The following PHEX variants were observed in gnomAD, a reference collection of about 807,000 sequenced individuals.
The protein encoded by PHEX is phosphate regulating endopeptidase X-linked.
A neutral mutation model predicts 68.0 loss-of-function variants in PHEX; 16 were observed. The observed-to-expected ratio is 0.24, with a 90% CI of 0.16 to 0.36. The LOEUF is 0.36. PHEX is among the 10% of genes least tolerant of loss of function. PHEX has a pLI of 1.00. For synonymous variants in PHEX, 208 were observed against 205.1 expected, an observed-to-expected ratio of 1.01 and a Z score of -0.12; for missense variants, 480 against 575.5, an observed-to-expected ratio of 0.83 and a Z score of 1.70.
At chrX:22,120,004 G>T (rs1039566623) in intron 11 of PHEX, among the ~76,000 whole-genome samples, 3 of 111,616 alleles carry the variant, frequency 2.7e-5, no homozygotes, top group African/African-American at 9.8e-5. Flanking sequence ...GAAGGCCAGG[G>T]AATGAAGGGA....
chrX:22,070,312 C>T (rs1928841488), intron 3 of PHEX, among the ~76,000 whole-genome samples: 1 of 111,034 alleles, frequency 9.0e-6, no homozygotes, highest in Admixed American at 9.6e-5. Flanking sequence ...CCTCTGATTT[C>T]CAAAAGAGAA....
intron 20 of PHEX, among the ~76,000 whole-genome samples, chrX:22,236,400 A>G (rs1393144583): frequency 8.9e-6 from 1 of 112,767 alleles, no homozygotes; most frequent in Non-Finnish European, 1.9e-5. Flanking sequence ...TCCTATCTCC[A>G]TAGCACCCAG....
intron 21 of PHEX, among the ~76,000 whole-genome samples, chrX:22,247,276 G>A (rs940524567): frequency 8.9e-5 from 10 of 112,341 alleles, no homozygotes; most frequent in African/African-American, 2.9e-4. Context: ...GCAACAACAT[G>A]GATGACTCTT....
At position 22,140,242 on chromosome X, in the gene PHEX, G is replaced by A. The variant is rs187028209; in HGVS notation, c.1404+6618G>A. Among the ~76,000 whole-genome samples, 582 of 110,094 alleles carry A rather than the reference G, an allele frequency of 5.3e-3. 1 individual carries two copies. Among genetic ancestry groups the A allele is most frequent in the Non-Finnish European group, 9.0e-3 (473 of 52,746 alleles). On this transcript the variant is annotated intron_variant, in intron 12 of 21. Transcript: ENST00000379374. ...TGGAGTCCCCTTTTCACCATTTCTC[G>A]CAGGTGGGTCCCCTGAGTGAGTACT...
intron 18 of PHEX, 29 bp downstream of exon 18, chrX:22,221,772 C>A: frequency 7.6e-6 from 9 of 1,180,084 alleles, no homozygotes; most frequent in Non-Finnish European, 1.0e-5. Context: ...AAGGGGGGCA[C>A]CTTGTGGTTC....
intron 13 of PHEX, among the ~76,000 whole-genome samples, chrX:22,170,996 A>C (rs1384987783): frequency 8.9e-6 from 1 of 112,464 alleles, no homozygotes; most frequent in Non-Finnish European, 1.9e-5. Flanking sequence ...TACGCCCAAG[A>C]GTTTTAACAG....
intron 17 of PHEX, among the ~76,000 whole-genome samples, chrX:22,219,341 T>C (rs1935194227): frequency 8.9e-6 from 1 of 112,507 alleles, no homozygotes; most frequent in Admixed American, 9.4e-5. Context: ...GTAATTTCAA[T>C]AAAATTAGCT....
Position 22,218,886 on chromosome X carries a change from T to G in PHEX, c.1701-150T>G, listed in dbSNP as rs1682978077. ...TTTCAATTGGAAGGTATGTTTAGATTTTTTACAGCTTTATGGGTATGGTTA... is the reference window on the plus strand; with the variant it reads ...TTTCAATTGGAAGGTATGTTTAGATGTTTTACAGCTTTATGGGTATGGTTA... On this transcript the variant is annotated intron_variant, in intron 16 of 21. Transcript: ENST00000379374. 6.7e-6 allele frequency: 3 copies of G among 447,882 alleles called. No homozygotes were observed. In the Admixed American group the frequency reaches 1.1e-4, roughly 17 times the overall value. The allele number at this position is 447,882 out of a possible 1,213,427, so 36.9% of individuals were successfully genotyped here.
rs768448287 is a variant in PHEX, at chrX:22,227,485, T to G, written c.1966-22T>G. 8.3e-6 allele frequency: 9 copies of G among 1,082,829 alleles called. No individual in the cohort carries two copies. In the South Asian group the frequency reaches 1.3e-4, roughly 16 times the overall value. The allele number at this position is 1,082,829 out of a possible 1,213,427, so 89.2% of individuals were successfully genotyped here. On this transcript the variant is annotated intron_variant, in intron 19 of 21. Transcript: ENST00000379374. ...AAAAACCCACCGTTGCAGAGACTCA[T>G]CTCTTCTTCTTCTCTCACCAGGCTT... is the stretch of plus-strand genomic sequence containing the variant.
At chrX:22,161,572 C>T (rs1443868811) in intron 12 of PHEX, among the ~76,000 whole-genome samples, 1 of 111,953 alleles carries the variant, frequency 8.9e-6, no homozygotes, top group Non-Finnish European at 1.9e-5. Context: ...TGACATTGAT[C>T]ATAGTGGGTT....
intron 20 of PHEX, 142 bp from the exon 21 acceptor site, chrX:22,245,191 G>C: frequency 3.6e-6 from 2 of 561,435 alleles, no homozygotes; most frequent in Middle Eastern, 3.7e-4. Context: ...TATTACAGAT[G>C]ACGGTTTTAT....
intron 12 of PHEX, among the ~76,000 whole-genome samples, chrX:22,140,437 C>T (rs1288183655): frequency 9.0e-6 from 1 of 111,601 alleles, no homozygotes; most frequent in Non-Finnish European, 1.9e-5. Flanking sequence ...GCCCTTCCAA[C>T]GTTTGAAGAT....
At chrX:22,190,396 G>A in intron 14 of PHEX, 48 bp from the exon 15 acceptor site, 1 of 888,544 alleles carries the variant, frequency 1.1e-6, no homozygotes, top group Non-Finnish European at 1.7e-6. Flanking sequence ...CTTCCCTCCT[G>A]CCTGTATAAT....
chrX:22,151,653 G>A (rs1358003493), intron 12 of PHEX, among the ~76,000 whole-genome samples: 1 of 111,635 alleles, frequency 9.0e-6, no homozygotes, highest in Non-Finnish European at 1.9e-5. Flanking sequence ...CTCTCTGCTG[G>A]TAAAATCTAA....
Position 22,047,043 on chromosome X carries a change from T to C in PHEX, c.188-7T>C. 1 of 1,202,020 alleles carries C rather than the reference T, an allele frequency of 8.3e-7. No individual in the cohort carries two copies. The highest frequency in any genetic ancestry group is 1.7e-5 in the African/African-American group (1 of 57,763). ...GTCATTAATCCTATGATTTTCTTTCTAAATAGCTGCTGCCATCTTAAGTAA... is the reference window on the plus strand; with the variant it reads ...GTCATTAATCCTATGATTTTCTTTCCAAATAGCTGCTGCCATCTTAAGTAA... On this transcript the variant is annotated splice_polypyrimidine_tract_variant and splice_region_variant and intron_variant, in intron 2 of 21. Coordinates refer to ENST00000379374, the MANE Select transcript of PHEX (RefSeq NM_000444.6).
chrX:22,036,868 C>T (rs769066336), intron 1 of PHEX, among the ~76,000 whole-genome samples: 2 of 108,612 alleles, frequency 1.8e-5, no homozygotes, highest in African/African-American at 6.7e-5. Flanking sequence ...GAGGTCGAGG[C>T]GGGCGGATCA....
intron 5 of PHEX, among the ~76,000 whole-genome samples, chrX:22,078,623 G>T (rs1439668051): frequency 8.9e-6 from 1 of 111,812 alleles, no homozygotes; most frequent in Non-Finnish European, 1.9e-5. Context: ...ATTGAAGCTG[G>T]TCATCGTTTG....
At chrX:22,130,252 A>G (rs1931928931) in intron 11 of PHEX, among the ~76,000 whole-genome samples, 1 of 111,327 alleles carries the variant, frequency 9.0e-6, no homozygotes, top group South Asian at 3.8e-4. Flanking sequence ...GTCCCTAAAG[A>G]CTTAGGGCCA....
chrX:22,216,612 C>T (rs191634795), intron 16 of PHEX, among the ~76,000 whole-genome samples: 16 of 110,257 alleles, frequency 1.5e-4, no homozygotes, highest in South Asian at 7.8e-4. Context: ...CTCCGCCTCC[C>T]GGGTTCAAGT....
Sources: allele counts gnomAD v4.1 joint callset (sites outside exome capture counted in the v4.1 genomes callset), GRCh38; gene constraint gnomAD v4.1.1; transcripts MANE v1.5; gene names NCBI Gene and HGNC (gene_info 2026-07-23, HGNC 2026-07-21).